SPATA22: variants seen among roughly 807,000 people sequenced by gnomAD.
The protein encoded by SPATA22 is spermatogenesis associated 22.
SPATA22 carries 29 observed loss-of-function variants against 47.8 expected under a neutral mutation model. That is an observed-to-expected ratio of 0.61 (90% CI 0.45 to 0.83). The LOEUF (loss-of-function observed/expected upper bound fraction) is 0.83, where lower values mean the gene tolerates loss of function less well. Ranked by LOEUF, SPATA22 falls within the 40% of genes least tolerant of loss-of-function variation. The pLI is 0.00. For missense variants in SPATA22, 410 were observed against 421.7 expected (o/e 0.97, Z 0.24); for synonymous variants, 133 against 140.9 (o/e 0.94, Z 0.40).
Position 3,440,264 on chromosome 17 carries a change from A to G in SPATA22, c.975T>C (p.Ile325=), listed in dbSNP as rs1226991894. 1.2e-6 allele frequency: 2 copies of G among 1,611,350 alleles called. No individual in the cohort carries two copies. The highest frequency in any genetic ancestry group is 1.7e-6 in the Non-Finnish European group (2 of 1,178,428). Residue 325 remains isoleucine (I), a synonymous_variant, in exon 9 of 9, where the codon ATT becomes ATC. Coordinates refer to ENST00000572969, the MANE Select transcript of SPATA22 (RefSeq NM_001170698.2). The stretch of plus-strand genomic sequence containing the variant: ...CCGGTCTGACAGAAACACATTGGAA[A>G]ATGTTCTTTTTCTGGTCATAGTTGC... ...CVGNYDQKKN[I]FQCVSVRPAS... is the part of the protein sequence containing the mutation.
In SPATA22 at chr17:3,462,690, T is replaced by C; in HGVS notation, c.233+17A>G. The C allele has an allele frequency of 4.4e-6, 7 of 1,607,748 alleles. No individual in the cohort carries two copies. The highest frequency in any genetic ancestry group is 6.0e-6 in the Non-Finnish European group (7 of 1,174,208). ...AGTAACAGACACACATCCAATGGTTTATATTTCTCCACATACCCGGTGTCC... is the reference window on the plus strand; with the variant it reads ...AGTAACAGACACACATCCAATGGTTCATATTTCTCCACATACCCGGTGTCC... On this transcript the variant is annotated intron_variant, in intron 4 of 8. Transcript: ENST00000572969.
In SPATA22 at chr17:3,490,757, T is replaced by C. The variant is rs1228832744; in HGVS notation, c.-73-21359A>G. ...TATATTAAGAAGTGATACATTCAGA[T>C]AGAAGGCCACAAATCTGGGTGGAAA... On this transcript the variant is annotated intron_variant, in intron 1 of 8. Transcript: ENST00000541913. The surrounding 1 kb of genome is among the most constrained non-coding windows in gnomAD (Gnocchi z 4.6). Among the ~76,000 whole-genome samples the C allele has an allele frequency of 1.3e-5, 2 of 152,164 alleles. No homozygotes were observed. The highest frequency in any genetic ancestry group is 2.4e-5 in the African/African-American group (1 of 41,442).
chr17:3,471,206 G>GGGAAA (rs990787675), intron 1 of SPATA22, among the ~76,000 whole-genome samples: 13 of 151,980 alleles, frequency 8.6e-5, no homozygotes, highest in East Asian at 5.8e-4. Context: ...AAGGAAGGAA[G>GGGAAA]GGAAAGGAAA....
chr17:3,498,795 A>G (rs2073951304), intron 1 of SPATA22: 4 of 1,194,956 alleles, frequency 3.3e-6, no homozygotes, highest in South Asian at 2.0e-5. Flanking sequence ...TTAAAACAAC[A>G]GAATACTGTA....
chr17:3,493,656 A>T (rs2073862810), intron 1 of SPATA22, among the ~76,000 whole-genome samples: 2 of 152,092 alleles, frequency 1.3e-5, no homozygotes, highest in Admixed American at 1.3e-4. Flanking sequence ...CAGTCATAAA[A>T]CATCATAGCT....
At chr17:3,511,678 T>C (rs1220218291) in intron 1 of SPATA22, 1 of 152,228 alleles carries the variant, frequency 6.6e-6, no homozygotes, top group African/African-American at 2.4e-5. Flanking sequence ...CACCAAAACA[T>C]GTGAGATGAC....
intron 5 of SPATA22, among the ~76,000 whole-genome samples, chr17:3,454,917 C>T (rs1273326790): frequency 6.6e-6 from 1 of 151,938 alleles, no homozygotes; most frequent in Non-Finnish European, 1.5e-5. Flanking sequence ...GTCCCACCAA[C>T]AGTGTAAAAG....
intron 1 of SPATA22, among the ~76,000 whole-genome samples, chr17:3,491,965 G>A (rs1052420633): frequency 5.6e-5 from 8 of 142,124 alleles, no homozygotes; most frequent in African/African-American, 2.1e-4. Context: ...GGAGCCTCAA[G>A]TTCCTGGGCT....
chr17:3,467,323 G>GA, intron 3 of SPATA22, 103 bp downstream of exon 3: 1 of 974,586 alleles, frequency 1.0e-6, no homozygotes, highest in Non-Finnish European at 1.5e-6. Context: ...ATAATGGAAA[G>GA]AAGAAAAAAT....
At chr17:3,457,720 A>C (rs1194709917) in intron 5 of SPATA22, among the ~76,000 whole-genome samples, 1 of 152,162 alleles carries the variant, frequency 6.6e-6, no homozygotes, top group Non-Finnish European at 1.5e-5. Flanking sequence ...ACACACAATG[A>C]GAAAAAAAGT....
intron 1 of SPATA22, among the ~76,000 whole-genome samples, chr17:3,497,724 G>A (rs2073932769): frequency 6.6e-6 from 1 of 152,168 alleles, no homozygotes; most frequent in Non-Finnish European, 1.5e-5. Flanking sequence ...TCAAGGACCT[G>A]TTAACATGAA....
rs2073804573 is a variant in SPATA22, at chr17:3,490,414, T to C, written c.-73-21016A>G. ...ATAGTTGCTTAAAATCAAAGAGACA[T>C]TCTATGTAAACAATTATTCCAACAG... On this transcript the variant is annotated intron_variant, in intron 1 of 8. Transcript: ENST00000541913. This position sits in a 1 kb window ranked among gnomAD's most constrained non-coding sequence, Gnocchi z 4.6. Among the ~76,000 whole-genome samples the C allele has an allele frequency of 6.6e-6, 1 of 152,172 alleles. No individual in the cohort carries two copies. The highest frequency in any genetic ancestry group is 2.1e-4 in the South Asian group (1 of 4,830).
chr17:3,446,858 C>A (rs1364931940), intron 6 of SPATA22, among the ~76,000 whole-genome samples: 1 of 152,112 alleles, frequency 6.6e-6, no homozygotes, highest in African/African-American at 2.4e-5. Flanking sequence ...CATTCATTGA[C>A]TATTTTAAAG....
intron 3 of SPATA22, among the ~76,000 whole-genome samples, chr17:3,464,632 G>A (rs1281760275): frequency 2.2e-5 from 3 of 138,232 alleles, no homozygotes; most frequent in Non-Finnish European, 3.1e-5. Context: ...TTGCCCCGCC[G>A]CCCCATCTGG....
rs1377927678 is a variant in SPATA22 at position 3,440,067 on chromosome 17, GC to G, written c.*79del. ...ATTCAACAAGTGAAATACAATAGTA[GC>G]TATAAAACTATGGAGATGGTAAATT... On this transcript the variant is annotated 3_prime_UTR_variant, in exon 9 of 9. Coordinates refer to ENST00000572969, the MANE Select transcript of SPATA22 (RefSeq NM_001170698.2). 1.2e-5 allele frequency: 10 copies of G among 831,842 alleles called. No individual in the cohort carries two copies. In the East Asian group the frequency reaches 2.6e-4, roughly 22 times the overall value. 51.5% of individuals were successfully genotyped at this position (831,842 alleles called of 1,614,324 possible). A position where few individuals can be genotyped will look rare whatever the true frequency, so the allele number is the denominator to read the frequency against.
chr17:3,479,546 G>C (rs1374955314), intron 1 of SPATA22, among the ~76,000 whole-genome samples: 2 of 152,098 alleles, frequency 1.3e-5, no homozygotes, highest in African/African-American at 2.4e-5. Context: ...AATGCCACAG[G>C]CTCCTTCTAC....
chr17:3,448,093 G>A lies in SPATA22; in HGVS notation c.672+714C>T, dbSNP rs142438081. On this transcript the variant is annotated intron_variant, in intron 6 of 8. Transcript: ENST00000572969. ...ACAGTTGAGATACAGGTATAGGGAA[G>A]AATATAAACCAAAGCACAGAGTGTA... is the stretch of plus-strand genomic sequence containing the variant. Among the ~76,000 whole-genome samples the A allele has an allele frequency of 6.2e-3, 946 of 152,308 alleles. 11 individuals are homozygous for A. Among genetic ancestry groups the A allele is most frequent in the African/African-American group, 0.021 (869 of 41,560 alleles).
intron 7 of SPATA22, among the ~76,000 whole-genome samples, chr17:3,444,463 T>C (rs899739704): frequency 2.0e-5 from 3 of 152,058 alleles, no homozygotes; most frequent in African/African-American, 4.8e-5. Flanking sequence ...TCTAAGAATA[T>C]GACGGTGTGG....
At position 3,490,034 on chromosome 17, in the gene SPATA22, G is replaced by C. The variant is rs1394794641; in HGVS notation, c.-73-20636C>G. Among the ~76,000 whole-genome samples, 2 of 152,176 alleles carry C rather than the reference G, an allele frequency of 1.3e-5. No individual in the cohort carries two copies. Among genetic ancestry groups the C allele is most frequent in the Non-Finnish European group, 2.9e-5 (2 of 68,022 alleles). On this transcript the variant is annotated intron_variant, in intron 1 of 8. Coordinates refer to the SPATA22 transcript ENST00000541913. The surrounding 1 kb of genome is among the most constrained non-coding windows in gnomAD (Gnocchi z 4.6). ...GGTAATTAGCAGAAAGCAAGTTGCA[G>C]ACCAAGACATTCAGTACACCAATTG...
Sources: gnomAD v4.1 joint callset for allele counts (sites outside exome capture counted in the v4.1 genomes callset) on GRCh38, gnomAD v4.1.1 for gene constraint, Gnocchi (gnomAD v3.1) non-coding constraint, MANE v1.5 for transcripts, NCBI Gene and HGNC (gene_info 2026-07-23, HGNC 2026-07-21) for gene names.